Variants in IQCK observed in about 807,000 individuals in gnomAD.
IQCK encodes IQ domain-containing protein K.
IQCK carries 29 observed loss-of-function variants against 28.1 expected under a neutral mutation model. That is an observed-to-expected ratio of 1.03 (90% CI 0.77 to 1.41). The LOEUF is 1.41. Among genes scored for constraint, IQCK ranks in the 40% most tolerant of loss-of-function variants. The pLI is 0.00. For missense variants in IQCK, 359 were observed against 314.7 expected (o/e 1.14, Z -1.07); for synonymous variants, 113 against 115.1 (o/e 0.98, Z 0.12).
intron 1 of IQCK, among the ~76,000 whole-genome samples, chr16:19,723,434 C>T (rs777449926): frequency 3.3e-5 from 5 of 152,112 alleles, no homozygotes; most frequent in Non-Finnish European, 7.3e-5. Flanking sequence ...GTTTATGTGC[C>T]AGGCATTGTG....
exon 3 of IQCK, chr16:19,733,739 A>G (rs772070160): frequency 3.1e-6 from 5 of 1,614,202 alleles, no homozygotes; most frequent in Non-Finnish European, 4.2e-6. Context: ...GCTTCAGTGC[A>G]GAGCACTATT....
intron 4 of IQCK, among the ~76,000 whole-genome samples, chr16:19,737,759 G>A (rs532946771): frequency 6.6e-6 from 1 of 151,732 alleles, no homozygotes; most frequent in Non-Finnish European, 1.5e-5. Context: ...CCTTCCCGAT[G>A]GTACCCTCCA....
Position 19,781,213 on chromosome 16 carries a change from T to C in IQCK, c.606-7625T>C, listed in dbSNP as rs182215989. 5.9e-5 allele frequency among the ~76,000 whole-genome samples: 9 copies of C among 152,306 alleles called. No homozygotes were observed. In the East Asian group the frequency reaches 1.5e-3, roughly 26 times the overall value. On this transcript the variant is annotated intron_variant, in intron 6 of 7. Coordinates refer to ENST00000564186, the Ensembl canonical transcript of IQCK. ...AAAGACGTTAAATAATACCACAATC[T>C]GGGAATATTTTATCAAGAAATATCA...
intron 7 of IQCK, among the ~76,000 whole-genome samples, chr16:19,797,620 A>AC (rs1295118678): frequency 2.3e-5 from 3 of 128,196 alleles, no homozygotes; most frequent in Admixed American, 7.6e-5. Flanking sequence ...TTGCAAAAAA[A>AC]AAAAAAAAAC....
exon 1 of IQCK, chr16:19,718,337 A>G (rs1361624321): frequency 1.9e-6 from 3 of 1,610,132 alleles, no homozygotes; most frequent in South Asian, 1.1e-5. Context: ...CCCCAGCCAC[A>G]TAGTGCGCCT....
At chr16:19,845,367 C>T (rs1308334465) in intron 9 of IQCK, among the ~76,000 whole-genome samples, 2 of 152,242 alleles carry the variant, frequency 1.3e-5, no homozygotes, top group African/African-American at 4.8e-5. Context: ...ATACCCTAAA[C>T]TCATTCAGAA....
chr16:19,760,333 C>T (rs2055119649), intron 4 of IQCK, among the ~76,000 whole-genome samples: 1 of 151,952 alleles, frequency 6.6e-6, no homozygotes, highest in East Asian at 1.9e-4. Context: ...CTGAAAGGTC[C>T]AGGGAATTTT....
chr16:19,846,736 G>T (rs1052454689), intron 9 of IQCK, among the ~76,000 whole-genome samples: 1 of 152,136 alleles, frequency 6.6e-6, no homozygotes, highest in African/African-American at 2.4e-5. Context: ...TGACATTTAC[G>T]CCCTGAATGT....
In IQCK at chr16:19,764,028, T is replaced by TG. The variant is rs1439005720; in HGVS notation, c.528-6dup. 4.3e-6 allele frequency: 7 copies of TG among 1,613,818 alleles called. No individual in the cohort carries two copies. The highest frequency in any genetic ancestry group is 1.3e-5 in the African/African-American group (1 of 74,948). ...CTTGTCAATCAAACATATGGCATCA[T>TG]GACCAGCCAAAATCCAAAGAGGGCA... On this transcript the variant is annotated splice_region_variant and splice_polypyrimidine_tract_variant and intron_variant, in intron 5 of 7. Coordinates refer to ENST00000564186, the Ensembl canonical transcript of IQCK.
intron 6 of IQCK, among the ~76,000 whole-genome samples, chr16:19,781,443 C>G (rs2055482742): frequency 6.6e-6 from 1 of 152,138 alleles, no homozygotes; most frequent in Non-Finnish European, 1.5e-5. Context: ...GCTTGTTGAT[C>G]TCCCAGGGTA....
chr16:19,744,660 G>A (rs1226570318), intron 4 of IQCK, among the ~76,000 whole-genome samples: 1 of 152,130 alleles, frequency 6.6e-6, no homozygotes, highest in Non-Finnish European at 1.5e-5. Flanking sequence ...TTCTCAAAGG[G>A]TCATTTTCAA....
chr16:19,774,926 G>A (rs1470453966), intron 6 of IQCK, among the ~76,000 whole-genome samples: 3 of 151,980 alleles, frequency 2.0e-5, no homozygotes, highest in Non-Finnish European at 4.4e-5. Flanking sequence ...AAGGGAAAGG[G>A]ATAAGAATTT....
intron 9 of IQCK, among the ~76,000 whole-genome samples, chr16:19,832,391 T>C (rs1418433021): frequency 1.3e-5 from 2 of 149,180 alleles, no homozygotes; most frequent in Non-Finnish European, 3.0e-5. Flanking sequence ...TTGGAGAGAT[T>C]GATCTGTCAA....
At chr16:19,720,844 C>T (rs765101905) in intron 1 of IQCK, among the ~76,000 whole-genome samples, 1 of 152,114 alleles carries the variant, frequency 6.6e-6, no homozygotes, top group Admixed American at 6.5e-5. Flanking sequence ...TGTTGAAACC[C>T]TGTCTCTACT....
Position 19,722,346 on chromosome 16 carries a change from T to TTGC in IQCK, c.181+3861_181+3863dup, listed in dbSNP as rs534965463. Among the ~76,000 whole-genome samples the TTGC allele has an allele frequency of 1.1e-4, 17 of 152,156 alleles. No homozygotes were observed. The East Asian group carries it at 3.3e-3, about 29-fold the overall frequency. On this transcript the variant is annotated intron_variant, in intron 1 of 7. Transcript: ENST00000564186. ...CTCTCCATCTTTGCTTACCGTCCCC[T>TTGC]TGCTATTCCAGGATCCTGCTTTATC...
chr16:19,737,469 A>G (rs2054774325), intron 4 of IQCK, among the ~76,000 whole-genome samples: 1 of 152,136 alleles, frequency 6.6e-6, no homozygotes, highest in South Asian at 2.1e-4. Context: ...CCTGCCACTT[A>G]ATTTGCTCAG....
intron 4 of IQCK, among the ~76,000 whole-genome samples, chr16:19,751,584 G>A (rs1415972243): frequency 6.6e-6 from 1 of 152,182 alleles, no homozygotes; most frequent in Non-Finnish European, 1.5e-5. Context: ...GTCCAGGTAG[G>A]CAATGAGAGA....
chr16:19,721,497 C>T (rs1977493730), intron 1 of IQCK, among the ~76,000 whole-genome samples: 1 of 152,082 alleles, frequency 6.6e-6, no homozygotes, highest in Admixed American at 6.5e-5. Context: ...TCCCGGCCAA[C>T]ACTTCTAATC....
chr16:19,818,961 C>T (rs1298682211), intron 7 of IQCK, among the ~76,000 whole-genome samples: 1 of 152,090 alleles, frequency 6.6e-6, no homozygotes, highest in Non-Finnish European at 1.5e-5. Flanking sequence ...GATCAATTGG[C>T]ATAAAAAATC....
Sources: gnomAD v4.1 joint callset for allele counts (sites outside exome capture counted in the v4.1 genomes callset) on GRCh38, gnomAD v4.1.1 for gene constraint, MANE v1.5 for transcripts, NCBI Gene and HGNC (gene_info 2026-07-23, HGNC 2026-07-21) for gene names.